Variants in PPP3CA observed in about 807,000 individuals in gnomAD.
PPP3CA encodes protein phosphatase 3 catalytic subunit alpha, also known as CAM-PRP catalytic subunit.
Under a neutral mutation model 66.5 loss-of-function variants are expected in PPP3CA, and 14 were observed. That is an observed-to-expected ratio of 0.21 (90% CI 0.14 to 0.33). The LOEUF is 0.33. PPP3CA is among the 10% of genes least tolerant of loss of function. The probability of loss-of-function intolerance (pLI) is 1.00; values close to 1 mark genes in which losing one functional copy is unlikely to be tolerated. For synonymous variants in PPP3CA, 232 were observed against 226.2 expected (o/e 1.03, Z -0.23); for missense variants, 317 against 639.5 (o/e 0.50, Z 5.44).
chr4:101,232,782 AAC>A (rs138021318), intron 1 of PPP3CA, among the ~76,000 whole-genome samples: 2,115 of 151,864 alleles, frequency 0.014, 50 homozygotes, highest in African/African-American at 0.048. Context: ...CTTAAATAAA[AAC>A]ATACTATTAT....
At chr4:101,053,198 T>G (rs1453543571) in intron 10 of PPP3CA, among the ~76,000 whole-genome samples, 3 of 152,132 alleles carry the variant, frequency 2.0e-5, no homozygotes, top group African/African-American at 7.2e-5. Flanking sequence ...TTTAGTGTTT[T>G]CCTTTTGTCA....
At position 101,073,209 on chromosome 4, in the gene PPP3CA, C is replaced by G. The variant is rs191350375; in HGVS notation, c.955+7323G>C. Among the ~76,000 whole-genome samples, 107 of 149,192 alleles carry G rather than the reference C, an allele frequency of 7.2e-4. 1 individual carries two copies. The highest frequency in any genetic ancestry group is 2.6e-3 in the African/African-American group (104 of 39,806). On this transcript the variant is annotated intron_variant, in intron 8 of 13. Transcript: ENST00000394854. ...TTAAATGTTTACATAAATTTCTTTTCTACCACCATATATATATACGTGTGT... is the reference window on the plus strand; with the variant it reads ...TTAAATGTTTACATAAATTTCTTTTGTACCACCATATATATATACGTGTGT...
chr4:101,079,442 G>A (rs1578426515), intron 8 of PPP3CA, among the ~76,000 whole-genome samples: 3 of 149,432 alleles, frequency 2.0e-5, no homozygotes, highest in South Asian at 4.2e-4. Flanking sequence ...ACAGTGGTGC[G>A]AGCTCGGCTC....
At chr4:101,248,143 C>CA (rs1237435089) in intron 1 of PPP3CA, among the ~76,000 whole-genome samples, 3 of 152,106 alleles carry the variant, frequency 2.0e-5, no homozygotes, top group Non-Finnish European at 4.4e-5. Flanking sequence ...TTGGCCCTTC[C>CA]AAAAAGTTTT....
chr4:101,260,757 A>G (rs1181171476), intron 1 of PPP3CA, among the ~76,000 whole-genome samples: 2 of 152,134 alleles, frequency 1.3e-5, no homozygotes, highest in Non-Finnish European at 2.9e-5. Flanking sequence ...CAATCTCACA[A>G]TGATTTCTCA....
intron 1 of PPP3CA, among the ~76,000 whole-genome samples, chr4:101,344,279 ATAT>A (rs1417698078): frequency 6.6e-6 from 1 of 152,208 alleles, no homozygotes; most frequent in African/African-American, 2.4e-5. Context: ...TCAAGGGGAA[ATAT>A]TATTTCACAG....
intron 1 of PPP3CA, among the ~76,000 whole-genome samples, chr4:101,323,842 GGTGGCTCA>G (rs2110325246): frequency 6.6e-6 from 1 of 152,156 alleles, no homozygotes; most frequent in South Asian, 2.1e-4. Flanking sequence ...GGCCGGGCAT[GGTGGCTCA>G]TGCCTCCCAG....
chr4:101,271,793 C>A (rs1463204201), intron 1 of PPP3CA, among the ~76,000 whole-genome samples: 1 of 151,930 alleles, frequency 6.6e-6, no homozygotes, highest in Non-Finnish European at 1.5e-5. Flanking sequence ...TGTAGATAAA[C>A]CACAAACAAG....
chr4:101,293,961 T>TA (rs1728113084), intron 1 of PPP3CA, among the ~76,000 whole-genome samples: 2 of 152,276 alleles, frequency 1.3e-5, no homozygotes, highest in African/African-American at 2.4e-5. Flanking sequence ...AGGCATTATG[T>TA]AAGGAGAATG....
chr4:101,340,126 T>C (rs764415211), intron 1 of PPP3CA, among the ~76,000 whole-genome samples: 1 of 152,216 alleles, frequency 6.6e-6, no homozygotes, highest in Non-Finnish European at 1.5e-5. Flanking sequence ...TAAACTAGTA[T>C]GTCATAATAT....
intron 11 of PPP3CA, 30 bp from the exon 12 acceptor site, chr4:101,032,394 C>G: frequency 6.5e-7 from 1 of 1,541,520 alleles, no homozygotes. Flanking sequence ...GCGACATTAA[C>G]TTTTAATTTC....
chr4:101,141,580 G>A (rs1722809175), intron 2 of PPP3CA, among the ~76,000 whole-genome samples: 1 of 152,020 alleles, frequency 6.6e-6, no homozygotes, highest in African/African-American at 2.4e-5. Context: ...CATGTCCTCT[G>A]CTCTCCTCTT....
intron 1 of PPP3CA, among the ~76,000 whole-genome samples, chr4:101,325,354 G>A (rs1034746033): frequency 6.6e-6 from 1 of 152,214 alleles, no homozygotes; most frequent in African/African-American, 2.4e-5. Context: ...CTACTGTTAT[G>A]TGGACCACAC....
chr4:101,123,321 C>T (rs1722089540), intron 2 of PPP3CA, among the ~76,000 whole-genome samples: 2 of 152,114 alleles, frequency 1.3e-5, no homozygotes, highest in South Asian at 4.1e-4. Context: ...TGGACTCATT[C>T]ATCATGCTCA....
At chr4:101,136,385 AC>A (rs1722621600) in intron 2 of PPP3CA, among the ~76,000 whole-genome samples, 1 of 152,134 alleles carries the variant, frequency 6.6e-6, no homozygotes, top group Admixed American at 6.6e-5. Context: ...TACTAAAAAT[AC>A]AAAAATTAGC....
chr4:101,170,724 C>T (rs1009627081), intron 2 of PPP3CA, among the ~76,000 whole-genome samples: 2 of 152,094 alleles, frequency 1.3e-5, no homozygotes, highest in Non-Finnish European at 2.9e-5. Context: ...AGAATAATCA[C>T]GTTTCATCTA....
chr4:101,203,306 C>T (rs1725028597), intron 1 of PPP3CA, among the ~76,000 whole-genome samples: 1 of 152,066 alleles, frequency 6.6e-6, no homozygotes, highest in Non-Finnish European at 1.5e-5. Flanking sequence ...ACCATCCTGG[C>T]CAATATGGTA....
chr4:101,265,387 G>T lies in PPP3CA; in HGVS notation c.59-69271C>A, dbSNP rs1425379130. The stretch of plus-strand genomic sequence containing the variant: ...GCCTCCCAAACTGCTGGGATTACAG[G>T]TGTGTGCCATAGCACCCAGCCCATG... On this transcript the variant is annotated intron_variant, in intron 1 of 13. Transcript: ENST00000394854. Among the ~76,000 whole-genome samples, 5 of 152,162 alleles carry T rather than the reference G, an allele frequency of 3.3e-5. No homozygotes were observed. The East Asian group carries it at 9.6e-4, about 29-fold the overall frequency.
At chr4:101,109,105 G>A (rs1721553661) in intron 2 of PPP3CA, 27 bp from the exon 3 acceptor site, 3 of 1,603,218 alleles carry the variant, frequency 1.9e-6, no homozygotes, top group African/African-American at 1.3e-5. Context: ...TCATTTTATG[G>A]TCATATTATG....
Sources: allele counts gnomAD v4.1 joint callset (sites outside exome capture counted in the v4.1 genomes callset), GRCh38; gene constraint gnomAD v4.1.1; transcripts MANE v1.5; gene names NCBI Gene and HGNC (gene_info 2026-07-23, HGNC 2026-07-21).